Variants in TMEFF1 observed in about 807,000 individuals in gnomAD.
TMEFF1 encodes transmembrane protein with EGF like and two follistatin like domains 1.
In TMEFF1, 20 loss-of-function variants were observed where a neutral mutation model predicts 47.5. That is an observed-to-expected ratio of 0.42 (90% confidence interval 0.30 to 0.61). The LOEUF (loss-of-function observed/expected upper bound fraction) is 0.61, where lower values mean the gene tolerates loss of function less well. TMEFF1 is among the 20% of genes least tolerant of loss of function. The probability of loss-of-function intolerance (pLI) is 0.19; values close to 1 mark genes in which losing one functional copy is unlikely to be tolerated. For synonymous variants in TMEFF1, 162 were observed against 166.3 expected (o/e 0.97, Z 0.20); for missense variants, 411 against 471.1 (o/e 0.87, Z 1.18).
At chr9:100,557,830 C>CTTT (rs199955451) in intron 7 of TMEFF1, among the ~76,000 whole-genome samples, 1 of 132,400 alleles carries the variant, frequency 7.6e-6, no homozygotes. Context: ...ACCATGCATG[C>CTTT]TTTTTTTTTT....
At chr9:100,505,142 G>A (rs1041655683) in intron 2 of TMEFF1, among the ~76,000 whole-genome samples, 9 of 151,912 alleles carry the variant, frequency 5.9e-5, no homozygotes, top group African/African-American at 2.2e-4. Flanking sequence ...GGTCGGGCGC[G>A]GTGGCTCATG....
At chr9:100,535,226 C>A (rs1838479278) in intron 5 of TMEFF1, among the ~76,000 whole-genome samples, 1 of 151,990 alleles carries the variant, frequency 6.6e-6, no homozygotes, top group Non-Finnish European at 1.5e-5. Flanking sequence ...TTCTTAATTC[C>A]TTTTATTTTT....
At chr9:100,561,552 A>T (rs763164688) in intron 8 of TMEFF1, 32 bp downstream of exon 8, 1 of 1,586,594 alleles carries the variant, frequency 6.3e-7, no homozygotes, top group Non-Finnish European at 8.6e-7. Context: ...AGTGGTGAGC[A>T]TTTTTTTTCA....
At chr9:100,501,539 A>T (rs1837760458) in intron 2 of TMEFF1, among the ~76,000 whole-genome samples, 1 of 152,152 alleles carries the variant, frequency 6.6e-6, no homozygotes, top group East Asian at 1.9e-4. Context: ...TGTGCAATAC[A>T]ATATTGGAAT....
chr9:100,574,637 A>C (rs1039065314), intron 9 of TMEFF1, among the ~76,000 whole-genome samples: 1 of 152,012 alleles, frequency 6.6e-6, no homozygotes, highest in African/African-American at 2.4e-5. Flanking sequence ...TCGGTCTCGC[A>C]AAGTGCTGGG....
chr9:100,482,346 C>T (rs763517541), intron 1 of TMEFF1, among the ~76,000 whole-genome samples: 6 of 151,890 alleles, frequency 4.0e-5, no homozygotes, highest in Non-Finnish European at 5.9e-5. Flanking sequence ...TACAGGTGCA[C>T]GCCACCACGC....
intron 5 of TMEFF1, among the ~76,000 whole-genome samples, chr9:100,525,764 C>T (rs555369786): frequency 6.6e-6 from 1 of 152,066 alleles, no homozygotes; most frequent in African/African-American, 2.4e-5. Flanking sequence ...CTCCCTGCCC[C>T]CTCACCCCAT....
At chr9:100,486,250 G>A (rs1266700186) in intron 1 of TMEFF1, among the ~76,000 whole-genome samples, 1 of 152,088 alleles carries the variant, frequency 6.6e-6, no homozygotes, top group African/African-American at 2.4e-5. Flanking sequence ...TTTTTCATCA[G>A]AAAATTTTTG....
At chr9:100,535,486 C>T (rs193200695) in intron 5 of TMEFF1, among the ~76,000 whole-genome samples, 17 of 152,202 alleles carry the variant, frequency 1.1e-4, no homozygotes, top group South Asian at 1.0e-3. Context: ...GAAAATCTAA[C>T]GGGGCTGAAT....
chr9:100,547,869 T>G lies in TMEFF1; in HGVS notation c.686T>G (p.Ile229Arg). 2 of 1,605,114 alleles carry G rather than the reference T, an allele frequency of 1.2e-6. No individual in the cohort carries two copies. The highest frequency in any genetic ancestry group is 1.7e-6 in the Non-Finnish European group (2 of 1,176,928). ...ASCIKQEQID[I>R]RHLGHCTDTD... ...TGTATAAAGCAAGAACAAATTGATATAAGGCATCTTGGTCATTGCACAGGT... is the reference window on the plus strand; with the variant it reads ...TGTATAAAGCAAGAACAAATTGATAGAAGGCATCTTGGTCATTGCACAGGT... The change falls in exon 6 of 10, where the codon ATA becomes AGA. Residue 229 changes from isoleucine to arginine, a missense_variant. Ile to Arg is a moderately conservative substitution (Grantham distance 97). Transcript: ENST00000374879.
chr9:100,570,185 G>T (rs975295019), intron 8 of TMEFF1, among the ~76,000 whole-genome samples: 1 of 151,946 alleles, frequency 6.6e-6, no homozygotes, highest in African/African-American at 2.4e-5. Flanking sequence ...ATTTGTTAAT[G>T]GACACTTAGA....
chr9:100,516,640 T>C (rs374324958), intron 4 of TMEFF1, 35 bp from the exon 5 acceptor site: 163 of 1,603,616 alleles, frequency 1.0e-4, no homozygotes, highest in Non-Finnish European at 1.3e-4. Flanking sequence ...GGATCCCAAC[T>C]TTTGGTTGTA....
At chr9:100,535,900 A>G (rs942070683) in intron 5 of TMEFF1, among the ~76,000 whole-genome samples, 10 of 152,120 alleles carry the variant, frequency 6.6e-5, no homozygotes, top group African/African-American at 2.4e-4. Flanking sequence ...TTTTCACATT[A>G]TTTCACTGCA....
At chr9:100,552,311 T>G (rs1442686378) in intron 7 of TMEFF1, among the ~76,000 whole-genome samples, 3 of 152,172 alleles carry the variant, frequency 2.0e-5, no homozygotes, top group Non-Finnish European at 4.4e-5. Flanking sequence ...GGGATATCAG[T>G]TAGGTAAAGT....
At chr9:100,501,036 C>G (rs1837746999) in intron 2 of TMEFF1, among the ~76,000 whole-genome samples, 1 of 152,186 alleles carries the variant, frequency 6.6e-6, no homozygotes, top group African/African-American at 2.4e-5. Flanking sequence ...TCCCCTCGAA[C>G]TCTCTCCTTT....
At chr9:100,527,481 A>T (rs1396862886) in intron 5 of TMEFF1, among the ~76,000 whole-genome samples, 2 of 152,176 alleles carry the variant, frequency 1.3e-5, no homozygotes, top group African/African-American at 4.8e-5. Flanking sequence ...GGGGTGACAG[A>T]CGGCACCTGG....
At chr9:100,568,087 G>C (rs370141268) in intron 8 of TMEFF1, among the ~76,000 whole-genome samples, 6 of 152,270 alleles carry the variant, frequency 3.9e-5, no homozygotes, top group African/African-American at 1.4e-4. Context: ...GGAGTTGTGG[G>C]AGTTACTATT....
intron 5 of TMEFF1, among the ~76,000 whole-genome samples, chr9:100,529,939 T>C (rs1018009508): frequency 6.6e-6 from 1 of 152,034 alleles, no homozygotes; most frequent in African/African-American, 2.4e-5. Context: ...ATTAAGAATC[T>C]CACTCAAAAC....
chr9:100,478,658 A>G (rs1179052885), intron 1 of TMEFF1, among the ~76,000 whole-genome samples: 1 of 152,206 alleles, frequency 6.6e-6, no homozygotes, highest in African/African-American at 2.4e-5. Context: ...TTTTAAAGCT[A>G]ACTTAACAGA....
Sources: gnomAD v4.1 joint callset for allele counts (sites outside exome capture counted in the v4.1 genomes callset) on GRCh38, gnomAD v4.1.1 for gene constraint, MANE v1.5 for transcripts, NCBI Gene and HGNC (gene_info 2026-07-23, HGNC 2026-07-21) for gene names.